Variants in ITGB8 observed in about 807,000 individuals in gnomAD.
ITGB8 encodes integrin beta-8.
ITGB8 carries 30 observed loss-of-function variants against 89.5 expected under a neutral mutation model. The observed-to-expected ratio is 0.34, with a 90% CI of 0.25 to 0.45. The LOEUF is 0.45. Ranked by LOEUF, ITGB8 falls within the 20% of genes least tolerant of loss-of-function variation. The probability of loss-of-function intolerance (pLI) is 1.00; values close to 1 mark genes in which losing one functional copy is unlikely to be tolerated. For missense variants in ITGB8, 836 were observed against 933.3 expected, an observed-to-expected ratio of 0.90 and a Z score of 1.36; for synonymous variants, 335 against 320.4, an observed-to-expected ratio of 1.05 and a Z score of -0.49.
Position 20,367,093 on chromosome 7 carries a change from A to C in ITGB8, c.295A>C (p.Ile99Leu). ...AAGCAAAGGCTGCTCAGTTGATTCA[A>C]TAGAATACCCATCTGTGCATGTTAT... ...LISKGCSVDS[I>L]EYPSVHVIIP... Residue 99 changes from isoleucine to leucine, a missense_variant, in exon 3 of 14, where the codon ATA becomes CTA. Around this residue, in one of 5 missense-constraint regions of ITGB8, gnomAD observed 182 missense variants for 177.0 expected, o/e 1.03. Coordinates refer to ENST00000222573, the MANE Select transcript of ITGB8 (RefSeq NM_002214.3). The C allele has an allele frequency of 2.5e-6, 4 of 1,610,088 alleles. No individual in the cohort carries two copies. The highest frequency in any genetic ancestry group is 3.4e-6 in the Non-Finnish European group (4 of 1,176,380).
intron 10 of ITGB8, among the ~76,000 whole-genome samples, chr7:20,404,134 T>C (rs1007041875): frequency 6.6e-6 from 1 of 152,352 alleles, no homozygotes; most frequent in Non-Finnish European, 1.5e-5. Context: ...TCTTTAAACA[T>C]GGCACTAGCA....
intron 2 of ITGB8, 33 bp downstream of exon 2, chr7:20,363,755 T>C (rs758120555): frequency 2.9e-6 from 4 of 1,362,498 alleles, no homozygotes; most frequent in East Asian, 4.7e-5. Context: ...TTTCTCATGG[T>C]TGACTTGAGC....
intron 1 of ITGB8, among the ~76,000 whole-genome samples, chr7:20,356,611 A>G (rs950448399): frequency 5.9e-5 from 9 of 151,950 alleles, no homozygotes; most frequent in Non-Finnish European, 1.3e-4. Context: ...TATTGCCTGG[A>G]AAAAAATGCA....
chr7:20,366,806 G>A (rs1785716035), intron 2 of ITGB8: 1 of 474,494 alleles, frequency 2.1e-6, no homozygotes, highest in Non-Finnish European at 3.7e-6. Context: ...TTCAGTCTGA[G>A]CTTTTCCTTC....
At position 20,404,815 on chromosome 7, in the gene ITGB8, AC is replaced by A; in HGVS notation, c.1876del (p.His626ThrfsTer58). 6.2e-7 allele frequency: 1 copy of A among 1,614,186 alleles called. No individual in the cohort carries two copies. The highest frequency in any genetic ancestry group is 8.5e-7 in the Non-Finnish European group (1 of 1,180,038). On this transcript the variant is annotated frameshift_variant, in exon 11 of 14. Coordinates refer to ENST00000222573, the MANE Select transcript of ITGB8 (RefSeq NM_002214.3). LOFTEE classifies it high-confidence loss of function. ...CCAGGAGCATCGGCCGCTTCTGTGA[AC>A]ACTGCCCCACCTGTTATACAGCCTG... ...DPRSIGRFCE[H>X]CPTCYTACKE...
At chr7:20,390,128 T>A (rs553673580) in intron 6 of ITGB8, among the ~76,000 whole-genome samples, 1 of 152,264 alleles carries the variant, frequency 6.6e-6, no homozygotes, top group South Asian at 2.1e-4. Context: ...GTTTACCAAG[T>A]TGGTTTAACA....
intron 3 of ITGB8, among the ~76,000 whole-genome samples, chr7:20,370,506 A>T (rs2127950892): frequency 6.6e-6 from 1 of 151,396 alleles, no homozygotes; most frequent in Non-Finnish European, 1.5e-5. Flanking sequence ...TGCTTTCATG[A>T]GCAGAAATGT....
intron 1 of ITGB8, among the ~76,000 whole-genome samples, chr7:20,336,206 T>C (rs1470818825): frequency 2.6e-5 from 4 of 151,930 alleles, no homozygotes; most frequent in Admixed American, 2.0e-4. Context: ...GGCGTTTCAC[T>C]GTGTTAGCCA....
At chr7:20,378,915 A>C (rs1435536280) in intron 3 of ITGB8, 136 bp from the exon 4 acceptor site, 2 of 377,404 alleles carry the variant, frequency 5.3e-6, no homozygotes, top group African/African-American at 2.1e-5. Flanking sequence ...TATTATAATT[A>C]CACTAGCATA....
intron 1 of ITGB8, among the ~76,000 whole-genome samples, chr7:20,334,930 T>A (rs1401622266): frequency 6.6e-6 from 1 of 152,190 alleles, no homozygotes; most frequent in Non-Finnish European, 1.5e-5. Context: ...ACCCTATGAT[T>A]TTTTAAAGTT....
intron 1 of ITGB8, among the ~76,000 whole-genome samples, chr7:20,339,324 G>T (rs909995694): frequency 2.0e-5 from 3 of 151,990 alleles, no homozygotes; most frequent in Non-Finnish European, 2.9e-5. Flanking sequence ...AAAAAGCAGT[G>T]CCATACTATA....
intron 1 of ITGB8, among the ~76,000 whole-genome samples, chr7:20,334,909 C>A (rs4472418): frequency 0.25 from 38,503 of 152,058 alleles, 5,477 homozygotes; most frequent in Non-Finnish European, 0.32. Context: ...TTTTGGTTAA[C>A]CATGGTATTA....
In ITGB8 at chr7:20,402,052, T is replaced by C. The variant is rs2127982823; in HGVS notation, c.1613T>C (p.Leu538Pro). 1.2e-6 allele frequency: 2 copies of C among 1,614,150 alleles called. No individual in the cohort carries two copies. The highest frequency in any genetic ancestry group is 2.2e-5 in the East Asian group (1 of 44,878). ...AAATGTTCATGTCACAAAATTAAGC[T>C]TGGAAAAGTGTATGGAAAATACTGT... ...CGKCSCHKIK[L>P]GKVYGKYCEK... The change falls in exon 10 of 14, where the codon CTT becomes CCT. Residue 538 changes from leucine (L) to proline (P), a missense_variant. Physicochemically the swap from Leu to Pro is moderately conservative, Grantham distance 98. Coordinates refer to ENST00000222573, the MANE Select transcript of ITGB8 (RefSeq NM_002214.3).
chr7:20,395,568 C>T (rs910583970), intron 8 of ITGB8, among the ~76,000 whole-genome samples: 4 of 152,306 alleles, frequency 2.6e-5, no homozygotes, highest in Admixed American at 2.0e-4. Context: ...GAGTGAATGC[C>T]TCAATGCAAA....
chr7:20,339,169 C>T (rs1231497610), intron 1 of ITGB8, among the ~76,000 whole-genome samples: 7 of 135,096 alleles, frequency 5.2e-5, no homozygotes, highest in African/African-American at 8.4e-5. Context: ...TCCAGCCTGG[C>T]GACAGAGCGA....
chr7:20,385,329 T>A (rs1786565835), intron 6 of ITGB8, among the ~76,000 whole-genome samples: 1 of 152,234 alleles, frequency 6.6e-6, no homozygotes, highest in Non-Finnish European at 1.5e-5. Context: ...ACATTCCTAT[T>A]GTATGTACTA....
At chr7:20,374,406 A>C (rs1786050902) in intron 3 of ITGB8, among the ~76,000 whole-genome samples, 1 of 152,064 alleles carries the variant, frequency 6.6e-6, no homozygotes, top group South Asian at 2.1e-4. Flanking sequence ...AGTAATAATT[A>C]CTAACATATG....
At chr7:20,383,157 T>C (rs1786470364) in intron 6 of ITGB8, among the ~76,000 whole-genome samples, 1 of 152,216 alleles carries the variant, frequency 6.6e-6, no homozygotes, top group African/African-American at 2.4e-5. Flanking sequence ...AGATCACCAG[T>C]TCATCTGCAA....
intron 1 of ITGB8, among the ~76,000 whole-genome samples, chr7:20,332,300 A>C (rs1784431238): frequency 6.6e-6 from 1 of 152,190 alleles, no homozygotes; most frequent in South Asian, 2.1e-4. Flanking sequence ...TATCTTTCTA[A>C]CATTTGGGTC....
Sources: gnomAD v4.1 joint callset for allele counts (sites outside exome capture counted in the v4.1 genomes callset) on GRCh38, gnomAD v4.1.1 for gene constraint, gnomAD v4.1.1 regional missense constraint, MANE v1.5 for transcripts, NCBI Gene and HGNC (gene_info 2026-07-23, HGNC 2026-07-21) for gene names.